The following COL12A1 variants were observed in gnomAD, a reference collection of about 807,000 sequenced individuals.
COL12A1 encodes the protein collagen type XII alpha 1 chain.
In COL12A1, 114 loss-of-function variants were observed where a neutral mutation model predicts 349.7. The ratio of observed to expected loss-of-function variants is 0.33; its 90% CI spans 0.28 to 0.38. COL12A1 has a LOEUF of 0.38. Among genes scored for constraint, COL12A1 ranks in the 10% least tolerant of loss-of-function variants. The probability of loss-of-function intolerance (pLI) is 1.00; values close to 1 mark genes in which losing one functional copy is unlikely to be tolerated. For synonymous variants in COL12A1, 1,369 were observed against 1,329.0 expected (o/e 1.03, Z -0.66); for missense variants, 3,284 against 3,756.9 (o/e 0.87, Z 3.29).
At chr6:75,162,358 C>T (rs550230032) in intron 14 of COL12A1, among the ~76,000 whole-genome samples, 1 of 152,282 alleles carries the variant, frequency 6.6e-6, no homozygotes, top group Non-Finnish European at 1.5e-5. Context: ...TAACACCACA[C>T]ATCTATAACC....
At chr6:75,140,655 C>CAAAAAAAAAAAAAAAAAAAAAAAAAAA (rs1236499281) in intron 27 of COL12A1, among the ~76,000 whole-genome samples, 4 of 46,134 alleles carry the variant, frequency 8.7e-5, no homozygotes, top group African/African-American at 2.7e-4. Flanking sequence ...GACTCTGTCT[C>CAAAAAAAAAAAAAAAAAAAAAAAAAAA]AAAAAAAAAA....
rs1461703629 is a variant in COL12A1, at chr6:75,152,113, C to T, written c.3835+18G>A. On this transcript the variant is annotated intron_variant, in intron 19 of 65. Coordinates refer to ENST00000322507, the MANE Select transcript of COL12A1 (RefSeq NM_004370.6). The stretch of plus-strand genomic sequence containing the variant: ...CCAGAAGCATGAGCTGAAAGACTGT[C>T]AGACAGTCCTTACTCACCTGTGAGA... 8.7e-6 allele frequency: 14 copies of T among 1,613,776 alleles called. No individual in the cohort carries two copies. The highest frequency in any genetic ancestry group is 1.2e-5 in the Non-Finnish European group (14 of 1,179,768).
At chr6:75,199,165 A>G (rs1199425390) in intron 2 of COL12A1, among the ~76,000 whole-genome samples, 1 of 152,196 alleles carries the variant, frequency 6.6e-6, no homozygotes, top group Non-Finnish European at 1.5e-5. Flanking sequence ...GCACAAACAA[A>G]GCACAGTGTG....
Position 75,165,770 on chromosome 6 carries a change from GA to G in COL12A1, c.2719del (p.Ser907LeufsTer5). 1 of 1,613,448 alleles carries G rather than the reference GA, an allele frequency of 6.2e-7. No individual in the cohort carries two copies. The highest frequency in any genetic ancestry group is 8.5e-7 in the Non-Finnish European group (1 of 1,179,652). Reference protein sequence around the residue: ...GEGTTLEERGSPQDLVTKDIT... With the variant: ...GEGTTLEERGXPQDLVTKDIT... Reference sequence around the variant, plus strand: ...GTCTTTAGTAACTAAATCTTGAGGAGAACCACGTTCTAGAACAGAAATTAAA... The same window carrying G: ...GTCTTTAGTAACTAAATCTTGAGGAGACCACGTTCTAGAACAGAAATTAAA... On this transcript the variant is annotated frameshift_variant, in exon 14 of 66. Coordinates refer to ENST00000322507, the MANE Select transcript of COL12A1 (RefSeq NM_004370.6). LOFTEE classifies it high-confidence loss of function.
chr6:75,190,813 T>C (rs187225295), intron 5 of COL12A1, among the ~76,000 whole-genome samples: 149 of 152,094 alleles, frequency 9.8e-4, no homozygotes, highest in African/African-American at 3.2e-3. Flanking sequence ...TTGCACACTA[T>C]TTAATAGGTG....
intron 13 of COL12A1, among the ~76,000 whole-genome samples, chr6:75,169,481 C>A (rs1768510739): frequency 6.6e-6 from 1 of 152,172 alleles, no homozygotes; most frequent in South Asian, 2.1e-4. Flanking sequence ...TAGTCACTAC[C>A]TTTCCCTGAA....
At chr6:75,167,720 G>C (rs953918736) in intron 13 of COL12A1, among the ~76,000 whole-genome samples, 4 of 152,086 alleles carry the variant, frequency 2.6e-5, no homozygotes, top group Non-Finnish European at 5.9e-5. Context: ...AGATATTTCT[G>C]GGCTTAAAAC....
At position 75,128,221 on chromosome 6, in the gene COL12A1, TA is replaced by T. The variant is rs1766112200; in HGVS notation, c.6340+74del. On this transcript the variant is annotated intron_variant, in intron 38 of 65. Coordinates refer to ENST00000322507, the MANE Select transcript of COL12A1 (RefSeq NM_004370.6). The stretch of plus-strand genomic sequence containing the variant: ...TTGGTAAAGATAAAATTTTAGGTTT[TA>T]AAAGGTATAAAAGCAACATTAACAT... The T allele has an allele frequency of 4.5e-6, 6 of 1,344,130 alleles. No homozygotes were observed. In the East Asian group the frequency reaches 1.3e-4, roughly 30 times the overall value. The allele number at this position is 1,344,130 out of a possible 1,614,324, so 83.3% of individuals were successfully genotyped here. A position where few individuals can be genotyped will look rare whatever the true frequency, so the allele number is the denominator to read the frequency against.
intron 34 of COL12A1, among the ~76,000 whole-genome samples, chr6:75,132,947 T>A (rs1053726084): frequency 6.6e-6 from 1 of 152,218 alleles, no homozygotes; most frequent in Non-Finnish European, 1.5e-5. Context: ...TTTCAACAAT[T>A]CGCACTATGA....
At chr6:75,097,363 A>G (rs975443675) in intron 58 of COL12A1, 57 bp from the exon 59 acceptor site, 1 of 1,441,316 alleles carries the variant, frequency 6.9e-7, no homozygotes, top group Non-Finnish European at 9.7e-7. Context: ...GTGAAAAGAA[A>G]AGATGCTAAA....
intron 59 of COL12A1, among the ~76,000 whole-genome samples, chr6:75,096,737 A>C (rs1285949196): frequency 6.6e-6 from 1 of 152,040 alleles, no homozygotes; most frequent in Non-Finnish European, 1.5e-5. Flanking sequence ...TCTACTAAAA[A>C]TACAAAAAAT....
At chr6:75,156,143 A>T (rs142351989) in intron 15 of COL12A1, 114 bp downstream of exon 15, 1 of 1,293,750 alleles carries the variant, frequency 7.7e-7, no homozygotes, top group East Asian at 2.4e-5. Context: ...AGTAATTATA[A>T]TTTAACTTAT....
At chr6:75,089,004 A>G in intron 64 of COL12A1, 102 bp downstream of exon 64, 3 of 829,050 alleles carry the variant, frequency 3.6e-6, no homozygotes, top group East Asian at 6.1e-5. Context: ...CCGTCTCAAA[A>G]ACAAAAAAAA....
At chr6:75,128,203 A>C in intron 38 of COL12A1, 93 bp downstream of exon 38, 1 of 1,133,174 alleles carries the variant, frequency 8.8e-7, no homozygotes, top group Non-Finnish European at 1.2e-6. Context: ...GTATTGGTAA[A>C]GATAAAATTT....
chr6:75,189,998 T>C (rs1352903738), intron 5 of COL12A1, among the ~76,000 whole-genome samples, 183 bp from the exon 6 acceptor site: 1 of 152,008 alleles, frequency 6.6e-6, no homozygotes, highest in African/African-American at 2.4e-5. Context: ...AGAAGCATTT[T>C]CAATGCCTTT....
chr6:75,122,955 G>T (rs1417113872), intron 43 of COL12A1, among the ~76,000 whole-genome samples: 1 of 152,198 alleles, frequency 6.6e-6, no homozygotes, highest in African/African-American at 2.4e-5. Context: ...GAATTTTAAA[G>T]CCAACAGCCT....
In COL12A1 at chr6:75,203,926, C is replaced by CA. The variant is rs1178438285; in HGVS notation, c.-35-1100dup. ...TAGGAGACTGTCCTGCGTCGGAATG[C>CA]AAAAATGAGCCAAAGGTCGAGGCCT... On this transcript the variant is annotated intron_variant, in intron 1 of 65. Coordinates refer to ENST00000322507, the MANE Select transcript of COL12A1 (RefSeq NM_004370.6). Among the ~76,000 whole-genome samples the CA allele has an allele frequency of 2.6e-5, 4 of 152,334 alleles. No individual in the cohort carries two copies. The East Asian group carries it at 7.7e-4, about 29-fold the overall frequency.
In COL12A1 at chr6:75,156,347, G is replaced by A. The variant is rs868543538; in HGVS notation, c.3160C>T (p.Arg1054Ter). 5 of 1,613,848 alleles carry A rather than the reference G, an allele frequency of 3.1e-6. No individual in the cohort carries two copies. The highest frequency in any genetic ancestry group is 2.2e-5 in the East Asian group (1 of 44,862). ...TCATATGTGGTCTGTGGCTGAAGTC[G>A]CTTTAACACTGTCGAAGTGACTGTG... ...PPTVTSTVLK[R>*]LQPQTTYDIT... The change falls in exon 15 of 66, where the codon CGA (arginine) becomes TGA (stop). Residue 1054 changes from arginine (R) to a stop codon, truncating the protein, a stop_gained. Transcript: ENST00000322507. LOFTEE classifies it high-confidence loss of function.
chr6:75,170,388 G>T (rs1192813623), intron 13 of COL12A1, among the ~76,000 whole-genome samples: 1 of 152,160 alleles, frequency 6.6e-6, no homozygotes, highest in African/African-American at 2.4e-5. Context: ...CAATACAGAA[G>T]ATCTGCTTGT....
Sources: gnomAD v4.1 joint callset for allele counts (sites outside exome capture counted in the v4.1 genomes callset) on GRCh38, gnomAD v4.1.1 for gene constraint, MANE v1.5 for transcripts, NCBI Gene and HGNC (gene_info 2026-07-23, HGNC 2026-07-21) for gene names.